Variants in SERPINI1 observed in about 807,000 individuals in gnomAD.
SERPINI1 encodes serpin family I member 1.
SERPINI1 carries 19 observed loss-of-function variants against 41.1 expected under a neutral mutation model. The observed-to-expected ratio is 0.46, with a 90% CI of 0.32 to 0.68. SERPINI1 has a LOEUF of 0.68. Ranked by LOEUF, SERPINI1 falls within the 30% of genes least tolerant of loss-of-function variation. SERPINI1 has a pLI of 0.03. For synonymous variants in SERPINI1, 138 were observed against 156.6 expected, an observed-to-expected ratio of 0.88 and a Z score of 0.89; for missense variants, 460 against 479.2, an observed-to-expected ratio of 0.96 and a Z score of 0.37.
At chr3:167,801,906 A>G (rs904493580) in intron 5 of SERPINI1, among the ~76,000 whole-genome samples, 2 of 152,176 alleles carry the variant, frequency 1.3e-5, no homozygotes, top group Non-Finnish European at 2.9e-5. Flanking sequence ...TTTGCAACCT[A>G]TGTGGTTTGC....
At chr3:167,795,504 A>G (rs549706517) in intron 5 of SERPINI1, among the ~76,000 whole-genome samples, 2 of 152,068 alleles carry the variant, frequency 1.3e-5, no homozygotes, top group Non-Finnish European at 2.9e-5. Flanking sequence ...CTGAATCTCC[A>G]CTTATGTTCT....
intron 6 of SERPINI1, among the ~76,000 whole-genome samples, chr3:167,815,242 G>A (rs533922293): frequency 1.3e-5 from 2 of 152,144 alleles, no homozygotes; most frequent in South Asian, 2.1e-4. Context: ...CTAAGATTTT[G>A]TGGCTGCAGA....
chr3:167,789,001 C>G, intron 1 of SERPINI1, 110 bp from the exon 2 acceptor site: 1 of 1,011,154 alleles, frequency 9.9e-7, no homozygotes, highest in Admixed American at 2.1e-5. Context: ...GTTATTTGTT[C>G]ATTTAACTGT....
intron 1 of SERPINI1, among the ~76,000 whole-genome samples, chr3:167,779,653 C>T (rs1301900052): frequency 1.6e-4 from 24 of 152,154 alleles, no homozygotes; most frequent in Admixed American, 1.5e-3. Flanking sequence ...GGCCCATTCC[C>T]AAATCTTCCA....
At chr3:167,766,041 A>G (rs1207524771) in intron 1 of SERPINI1, among the ~76,000 whole-genome samples, 1 of 151,902 alleles carries the variant, frequency 6.6e-6, no homozygotes, top group Non-Finnish European at 1.5e-5. Flanking sequence ...AATTTCCCAC[A>G]CTTCCCTGTC....
intron 5 of SERPINI1, among the ~76,000 whole-genome samples, chr3:167,796,667 T>C (rs1181674446): frequency 6.6e-6 from 1 of 152,180 alleles, no homozygotes; most frequent in Non-Finnish European, 1.5e-5. Flanking sequence ...TCCATCCATG[T>C]CCCTGCAAAG....
rs556933716 is a variant in SERPINI1 at position 167,748,263 on chromosome 3, G to T, written c.-19+12440G>T. ...TTAAAAGACAGGAAGTTAAGCAAAAGAATACTAGTTTAAAGTAAAAGGATG... is the reference window on the plus strand; with the variant it reads ...TTAAAAGACAGGAAGTTAAGCAAAATAATACTAGTTTAAAGTAAAAGGATG... On this transcript the variant is annotated intron_variant, in intron 1 of 8. Coordinates refer to ENST00000446050, the MANE Select transcript of SERPINI1 (RefSeq NM_001122752.2). Among the ~76,000 whole-genome samples, 5 of 152,106 alleles carry T rather than the reference G, an allele frequency of 3.3e-5. No individual in the cohort carries two copies. In the East Asian group the frequency reaches 9.7e-4, roughly 29 times the overall value.
intron 1 of SERPINI1, among the ~76,000 whole-genome samples, chr3:167,778,012 A>G (rs1425588624): frequency 6.6e-6 from 1 of 152,104 alleles, no homozygotes; most frequent in East Asian, 1.9e-4. Context: ...CCACAATGGG[A>G]TGACCCTCAT....
At chr3:167,803,193 G>C (rs988888836) in intron 5 of SERPINI1, among the ~76,000 whole-genome samples, 33 of 151,718 alleles carry the variant, frequency 2.2e-4, no homozygotes, top group African/African-American at 8.0e-4. Flanking sequence ...GAGTTAGTGG[G>C]TGCAGCGCAC....
intron 4 of SERPINI1, among the ~76,000 whole-genome samples, chr3:167,794,128 G>T (rs11920432): frequency 0.13 from 19,192 of 151,864 alleles, 1,460 homozygotes; most frequent in African/African-American, 0.21. Flanking sequence ...TGGAGCCAAG[G>T]CTTTATTTTT....
At chr3:167,754,388 A>G (rs1163138020) in intron 1 of SERPINI1, among the ~76,000 whole-genome samples, 1 of 152,246 alleles carries the variant, frequency 6.6e-6, no homozygotes, top group Non-Finnish European at 1.5e-5. Flanking sequence ...AAATGTTTAC[A>G]AGCATTTTGA....
At chr3:167,824,598 G>A in intron 8 of SERPINI1, 36 bp downstream of exon 8, 1 of 1,358,938 alleles carries the variant, frequency 7.4e-7, no homozygotes, top group South Asian at 1.2e-5. Flanking sequence ...TTATTTAATA[G>A]GTCACAAAGA....
At chr3:167,756,772 T>C (rs1726206678) in intron 1 of SERPINI1, among the ~76,000 whole-genome samples, 1 of 152,212 alleles carries the variant, frequency 6.6e-6, no homozygotes, top group African/African-American at 2.4e-5. Flanking sequence ...CTGCAGTTAT[T>C]TAGATTAGCT....
chr3:167,790,292 G>A (rs1727457877), intron 2 of SERPINI1, 80 bp from the exon 3 acceptor site: 1 of 1,069,540 alleles, frequency 9.3e-7, no homozygotes, highest in Admixed American at 1.8e-5. Context: ...CTCCCTTGCT[G>A]TGCTTTAATG....
chr3:167,761,828 A>G (rs1461941678), intron 1 of SERPINI1, among the ~76,000 whole-genome samples: 2 of 152,230 alleles, frequency 1.3e-5, no homozygotes, highest in African/African-American at 4.8e-5. Flanking sequence ...ACAAATGGGA[A>G]CAGAGGAGAA....
At chr3:167,801,352 C>T (rs1727892973) in intron 5 of SERPINI1, among the ~76,000 whole-genome samples, 3 of 151,912 alleles carry the variant, frequency 2.0e-5, no homozygotes. Flanking sequence ...ATAGGCATGC[C>T]CTTTGGCTTT....
intron 1 of SERPINI1, among the ~76,000 whole-genome samples, chr3:167,763,804 A>G (rs932269981): frequency 6.6e-6 from 1 of 152,172 alleles, no homozygotes; most frequent in East Asian, 1.9e-4. Flanking sequence ...TGAAGTAGCA[A>G]TCACCAGACC....
intron 5 of SERPINI1, among the ~76,000 whole-genome samples, chr3:167,804,993 G>A (rs754495327): frequency 6.6e-6 from 1 of 151,684 alleles, no homozygotes; most frequent in Non-Finnish European, 1.5e-5. Context: ...TTAATATTCT[G>A]TTTACGATCA....
intron 1 of SERPINI1, among the ~76,000 whole-genome samples, chr3:167,745,734 A>C (rs961066907): frequency 1.3e-5 from 2 of 152,150 alleles, no homozygotes; most frequent in African/African-American, 4.8e-5. Flanking sequence ...GAAGATCGAT[A>C]TAAAGAAACT....
Sources: allele counts gnomAD v4.1 joint callset (sites outside exome capture counted in the v4.1 genomes callset), GRCh38; gene constraint gnomAD v4.1.1; transcripts MANE v1.5; gene names NCBI Gene and HGNC (gene_info 2026-07-23, HGNC 2026-07-21).